AGPAT3: variants seen among roughly 807,000 people sequenced by gnomAD.
The protein encoded by AGPAT3 is 1-acylglycerol-3-phosphate O-acyltransferase 3, also known as 1-acyl-sn-glycerol-3-phosphate acyltransferase gamma.
In AGPAT3, 5 loss-of-function variants were observed where a neutral mutation model predicts 47.3. The observed-to-expected ratio is 0.11, with a 90% CI of 0.06 to 0.22. The LOEUF is 0.22. Among genes scored for constraint, AGPAT3 ranks in the 10% least tolerant of loss-of-function variants. AGPAT3 has a pLI of 1.00. For missense variants in AGPAT3, 315 were observed against 493.0 expected (o/e 0.64, Z 3.42); for synonymous variants, 212 against 208.3 (o/e 1.02, Z -0.15).
At chr21:43,892,640 G>A (rs1054496828) in intron 1 of AGPAT3, among the ~76,000 whole-genome samples, 1 of 152,184 alleles carries the variant, frequency 6.6e-6, no homozygotes, top group Non-Finnish European at 1.5e-5. Flanking sequence ...AATAGTATAT[G>A]AGCATTGGCT....
chr21:43,891,975 A>G (rs889980958), intron 1 of AGPAT3, among the ~76,000 whole-genome samples: 1 of 152,150 alleles, frequency 6.6e-6, no homozygotes, highest in Non-Finnish European at 1.5e-5. Context: ...CTATATTCCT[A>G]TACAATGTAT....
chr21:43,889,990 AACATTTTGGATCTGTGTCCCTAAAATATG>A (rs1293592607), intron 1 of AGPAT3, among the ~76,000 whole-genome samples: 1,609 of 151,768 alleles, frequency 0.011, 11 homozygotes, highest in Non-Finnish European at 0.014. Context: ...CCTAAAATCT[AACATTTTGGATCTGTGTCCCTAAAATATG>A]ACATTTTGGA....
At chr21:43,929,595 C>A (rs527712012) in intron 2 of AGPAT3, among the ~76,000 whole-genome samples, 4 of 152,394 alleles carry the variant, frequency 2.6e-5, no homozygotes, top group Admixed American at 2.0e-4. Flanking sequence ...CGCCGCTGTC[C>A]TGGGCAAGGC....
In AGPAT3 at chr21:43,930,955, G is replaced by A. The variant is rs895699535; in HGVS notation, c.-49+26936G>A. 6.6e-6 allele frequency among the ~76,000 whole-genome samples: 1 copy of A among 152,156 alleles called. No homozygotes were observed. Among genetic ancestry groups the A allele is most frequent in the Non-Finnish European group, 1.5e-5 (1 of 68,026 alleles). On this transcript the variant is annotated intron_variant, in intron 2 of 9. Transcript: ENST00000291572. The surrounding 1 kb of genome is among the most constrained non-coding windows in gnomAD (Gnocchi z 5.0). The stretch of plus-strand genomic sequence containing the variant: ...TATGGCCCCCACTACGTGAGATCCT[G>A]GGGCAGGGGCTGTGGGGGCTCTAGA...
At chr21:43,942,994 C>T (rs966864802) in intron 2 of AGPAT3, among the ~76,000 whole-genome samples, 12 of 152,228 alleles carry the variant, frequency 7.9e-5, no homozygotes, top group African/African-American at 2.9e-4. Flanking sequence ...GGCATTTCCA[C>T]AGCAGAGGGA....
chr21:43,980,899 CG>C, intron 8 of AGPAT3, 89 bp from the exon 9 acceptor site: 1 of 1,271,554 alleles, frequency 7.9e-7, no homozygotes, highest in South Asian at 1.3e-5. Flanking sequence ...TAGGTTGAGT[CG>C]TTTTTCATTG....
chr21:43,915,034 A>G lies in AGPAT3; in HGVS notation c.-49+11015A>G, dbSNP rs137952688. ...GCAATTATTTCTGTGAGTTTTTAAAAAATGTATTTTATTTTGATGATTATT... is the reference window on the plus strand; with the variant it reads ...GCAATTATTTCTGTGAGTTTTTAAAGAATGTATTTTATTTTGATGATTATT... On this transcript the variant is annotated intron_variant, in intron 2 of 9. Transcript: ENST00000291572. Among the ~76,000 whole-genome samples the G allele has an allele frequency of 4.7e-3, 714 of 152,166 alleles. 4 individuals carry two copies. The highest frequency in any genetic ancestry group is 8.5e-3 in the Non-Finnish European group (576 of 68,010).
chr21:43,897,904 C>T (rs1601246644), intron 1 of AGPAT3, among the ~76,000 whole-genome samples: 1 of 152,156 alleles, frequency 6.6e-6, no homozygotes, highest in African/African-American at 2.4e-5. Flanking sequence ...CTCGGGAGGC[C>T]GAGGCGGGCA....
chr21:43,950,560 G>A (rs997935257), intron 2 of AGPAT3: 10 of 152,184 alleles, frequency 6.6e-5, no homozygotes, highest in Non-Finnish European at 1.2e-4. Flanking sequence ...TAACTGTGAC[G>A]CCGCCCTCTC....
At chr21:43,936,359 G>C (rs927074419) in intron 2 of AGPAT3, among the ~76,000 whole-genome samples, 4 of 152,248 alleles carry the variant, frequency 2.6e-5, no homozygotes, top group African/African-American at 9.6e-5. Context: ...GGACTTTTCT[G>C]TGGGTGCACC....
At chr21:43,891,939 A>G (rs2086111298) in intron 1 of AGPAT3, among the ~76,000 whole-genome samples, 3 of 152,152 alleles carry the variant, frequency 2.0e-5, no homozygotes, top group Admixed American at 2.0e-4. Flanking sequence ...GCCCAGATCC[A>G]TCAGAGGAAT....
In AGPAT3 at chr21:43,985,267, A is replaced by G. The variant is rs2030156046; in HGVS notation, c.*2875A>G. On this transcript the variant is annotated 3_prime_UTR_variant, in exon 10 of 10. Transcript: ENST00000291572. ...GTTGTCTGGTACTCGGCGACAGTGT[A>G]CCAGACGCGCACCCTATGTGAGGTG... 1 of 455,800 alleles carries G rather than the reference A, an allele frequency of 2.2e-6. No homozygotes were observed. Among genetic ancestry groups the G allele is most frequent in the African/African-American group, 2.0e-5 (1 of 50,060 alleles). The allele number at this position is 455,800 out of a possible 1,614,324, so 28.2% of individuals were successfully genotyped here.
At chr21:43,893,387 C>A (rs2086141907) in intron 1 of AGPAT3, among the ~76,000 whole-genome samples, 1 of 152,224 alleles carries the variant, frequency 6.6e-6, no homozygotes, top group East Asian at 1.9e-4. Context: ...CTGGTTTGAT[C>A]TTCTCTCCGG....
intron 1 of AGPAT3, among the ~76,000 whole-genome samples, chr21:43,884,459 G>T (rs977383528): frequency 6.6e-6 from 1 of 152,150 alleles, no homozygotes; most frequent in Non-Finnish European, 1.5e-5. Context: ...CGAAAGAGCC[G>T]CACAGTCCCT....
intron 1 of AGPAT3, among the ~76,000 whole-genome samples, chr21:43,881,589 A>C (rs946293482): frequency 6.6e-6 from 1 of 152,254 alleles, no homozygotes; most frequent in Non-Finnish European, 1.5e-5. Context: ...GATCTCATTC[A>C]TATTCTTCTA....
intron 2 of AGPAT3, among the ~76,000 whole-genome samples, chr21:43,944,002 G>A (rs550617941): frequency 1.3e-5 from 2 of 152,220 alleles, no homozygotes; most frequent in African/African-American, 4.8e-5. Context: ...GCCTCGGGAA[G>A]CAAGGGTCCC....
intron 2 of AGPAT3, among the ~76,000 whole-genome samples, chr21:43,929,053 CGT>C (rs1401800998): frequency 3.3e-5 from 5 of 152,204 alleles, no homozygotes; most frequent in African/African-American, 1.2e-4. Context: ...TTGAAAACTC[CGT>C]GCGTTCTCGT....
In AGPAT3 at chr21:43,920,780, C is replaced by T. The variant is rs888854290; in HGVS notation, c.-49+16761C>T. ...GCAGCTCCGAGCTCCCTGCCCCATA[C>T]CTCACCCTGTGCATCTCTTCATCTG... On this transcript the variant is annotated intron_variant, in intron 2 of 9. Transcript: ENST00000291572. This position sits in a 1 kb window ranked among gnomAD's most constrained non-coding sequence, Gnocchi z 6.1. 6.6e-6 allele frequency among the ~76,000 whole-genome samples: 1 copy of T among 152,138 alleles called. No homozygotes were observed. The highest frequency in any genetic ancestry group is 2.4e-5 in the African/African-American group (1 of 41,422).
chr21:43,915,130 C>T (rs1307320242), intron 2 of AGPAT3, among the ~76,000 whole-genome samples: 5 of 151,562 alleles, frequency 3.3e-5, no homozygotes, highest in African/African-American at 1.2e-4. Flanking sequence ...GCAGTCTTGG[C>T]TCACTGCAAC....
Sources: gnomAD v4.1 joint callset for allele counts (sites outside exome capture counted in the v4.1 genomes callset) on GRCh38, gnomAD v4.1.1 for gene constraint, Gnocchi (gnomAD v3.1) non-coding constraint, MANE v1.5 for transcripts, NCBI Gene and HGNC (gene_info 2026-07-23, HGNC 2026-07-21) for gene names.